MEGF11: variants seen among roughly 807,000 people sequenced by gnomAD.
MEGF11 encodes multiple EGF like domains 11.
In MEGF11, 126 loss-of-function variants were observed where a neutral mutation model predicts 146.6. That is an observed-to-expected ratio of 0.86 (90% CI 0.74 to 1.00). The LOEUF (loss-of-function observed/expected upper bound fraction) is 1.00, where lower values mean the gene tolerates loss of function less well. Ranked by LOEUF, MEGF11 falls within the 50% of genes least tolerant of loss-of-function variation. MEGF11 has a pLI of 0.00. For missense variants in MEGF11, 1,509 were observed against 1,521.2 expected (o/e 0.99, Z 0.13); for synonymous variants, 532 against 583.4 (o/e 0.91, Z 1.27).
chr15:66,013,777 G>A (rs982000735), intron 5 of MEGF11, among the ~76,000 whole-genome samples: 112 of 152,226 alleles, frequency 7.4e-4, no homozygotes, highest in Non-Finnish European at 1.8e-4. Context: ...AAAGAGAAGA[G>A]TGAGACTTTG....
chr15:65,911,917 G>T (rs538956917), intron 21 of MEGF11, among the ~76,000 whole-genome samples, 165 bp downstream of exon 21: 1 of 152,344 alleles, frequency 6.6e-6, no homozygotes, highest in Non-Finnish European at 1.5e-5. Context: ...ATGCCTCACA[G>T]AGTGTTTACG....
chr15:66,228,304 T>C (rs1161789367), intron 1 of MEGF11, among the ~76,000 whole-genome samples: 2 of 151,918 alleles, frequency 1.3e-5, no homozygotes, highest in African/African-American at 2.4e-5. Flanking sequence ...GCCCAGGGGC[T>C]TACGAAGCCT....
rs2141609143 is a variant in MEGF11, at chr15:65,970,536, G to A, written c.899+17C>T. On this transcript the variant is annotated intron_variant, in intron 8 of 25. Coordinates refer to ENST00000395614, the MANE Select transcript of MEGF11 (RefSeq NM_001385028.1). ...AGTAAAATGGACAGCAAAGATAACA[G>A]TTAACACTATCCTTACCTGTCCCCC... 6.2e-7 allele frequency: 1 copy of A among 1,612,292 alleles called. No homozygotes were observed. Among genetic ancestry groups the A allele is most frequent in the Non-Finnish European group, 8.5e-7 (1 of 1,178,706 alleles).
At chr15:65,924,378 G>GC (rs982191306) in intron 13 of MEGF11, among the ~76,000 whole-genome samples, 2 of 137,686 alleles carry the variant, frequency 1.5e-5, no homozygotes, top group Non-Finnish European at 3.2e-5. Context: ...GTGGGTGGGG[G>GC]GGGGGGCAAG....
At chr15:65,924,776 C>T (rs1270064641) in intron 13 of MEGF11, among the ~76,000 whole-genome samples, 1 of 152,042 alleles carries the variant, frequency 6.6e-6, no homozygotes, top group Non-Finnish European at 1.5e-5. Flanking sequence ...CAGGTATAAG[C>T]CACCACCACA....
chr15:66,104,346 G>A (rs1477794), intron 4 of MEGF11, among the ~76,000 whole-genome samples: 5,571 of 152,298 alleles, frequency 0.037, 331 homozygotes, highest in African/African-American at 0.12. Flanking sequence ...GTTTGGGGAT[G>A]CAGTCTAGGA....
chr15:65,957,820 G>T, intron 9 of MEGF11, 99 bp from the exon 10 acceptor site: 1 of 1,105,196 alleles, frequency 9.0e-7, no homozygotes, highest in Non-Finnish European at 1.3e-6. Flanking sequence ...TAGGGTAGCA[G>T]GATCAAAGGA....
chr15:66,031,781 A>G (rs1360505050), intron 5 of MEGF11, among the ~76,000 whole-genome samples: 1 of 152,202 alleles, frequency 6.6e-6, no homozygotes, highest in South Asian at 2.1e-4. Context: ...GTGTCTCCCA[A>G]AAGTTCGTGT....
At chr15:66,074,526 G>A (rs1342249132) in intron 5 of MEGF11, among the ~76,000 whole-genome samples, 4 of 152,248 alleles carry the variant, frequency 2.6e-5, no homozygotes, top group African/African-American at 7.2e-5. Context: ...TAACCCAGAG[G>A]AGAGTCATGA....
At chr15:65,998,720 C>T (rs922357838) in intron 5 of MEGF11, among the ~76,000 whole-genome samples, 2 of 152,030 alleles carry the variant, frequency 1.3e-5, no homozygotes, top group Non-Finnish European at 2.9e-5. Flanking sequence ...TGGGGAGGAC[C>T]AAAGCCATTC....
In MEGF11 at chr15:65,964,910, G is replaced by C. The variant is rs1200894492; in HGVS notation, c.1110C>G (p.Ile370Met). Reference protein sequence around the residue: ...LPCPCDADNTISCHPVTGACT... With the variant: ...LPCPCDADNTMSCHPVTGACT... Reference sequence around the variant, plus strand: ...GCTCGCCCATTCCCAGCTCATACCTGATGGTGTTGTCAGCGTCACAGGGGC... The same window carrying C: ...GCTCGCCCATTCCCAGCTCATACCTCATGGTGTTGTCAGCGTCACAGGGGC... The change falls in exon 9 of 26, where the codon ATC becomes ATG. Residue 370 changes from isoleucine to methionine, a missense_variant and splice_region_variant. Ile to Met is a conservative substitution (Grantham distance 10). Coordinates refer to ENST00000395614, the MANE Select transcript of MEGF11 (RefSeq NM_001385028.1). 6.4e-6 allele frequency: 10 copies of C among 1,559,196 alleles called. 1 individual carries two copies. The East Asian group carries it at 2.4e-4, about 37-fold the overall frequency.
chr15:65,912,213 C>T lies in MEGF11; in HGVS notation c.2711-13G>A. ...CTTTGAGACAAATCTGGGAAGAGAACAAGGTGCCACATACCATCATACCCC... is the reference window on the plus strand; with the variant it reads ...CTTTGAGACAAATCTGGGAAGAGAATAAGGTGCCACATACCATCATACCCC... On this transcript the variant is annotated splice_polypyrimidine_tract_variant and intron_variant, in intron 20 of 25. Transcript: ENST00000395614. The T allele has an allele frequency of 8.2e-7, 1 of 1,222,462 alleles. No homozygotes were observed. Among genetic ancestry groups the T allele is most frequent in the Non-Finnish European group, 1.0e-6 (1 of 979,190 alleles). 75.7% of individuals were successfully genotyped at this position (1,222,462 alleles called of 1,614,324 possible).
At chr15:65,909,524 C>G (rs1320164941) in intron 22 of MEGF11, among the ~76,000 whole-genome samples, 1 of 152,064 alleles carries the variant, frequency 6.6e-6, no homozygotes, top group Non-Finnish European at 1.5e-5. Context: ...CTGGTTTTCT[C>G]CCTTATGGTC....
At chr15:66,149,060 C>T (rs974933027) in intron 1 of MEGF11, among the ~76,000 whole-genome samples, 40 of 152,350 alleles carry the variant, frequency 2.6e-4, no homozygotes, top group African/African-American at 7.7e-4. Context: ...GGTCTGCGCC[C>T]GGCAGGAGCA....
At chr15:66,004,477 T>G (rs569341164) in intron 5 of MEGF11, among the ~76,000 whole-genome samples, 3 of 152,268 alleles carry the variant, frequency 2.0e-5, no homozygotes, top group South Asian at 4.2e-4. Flanking sequence ...TATTAATATT[T>G]GTTCAGTCTG....
Position 65,915,550 on chromosome 15 carries a change from C to T in MEGF11, c.2393G>A (p.Cys798Tyr), listed in dbSNP as rs1227546995. 6.2e-7 allele frequency: 1 copy of T among 1,613,966 alleles called. No homozygotes were observed. The highest frequency in any genetic ancestry group is 8.5e-7 in the Non-Finnish European group (1 of 1,179,874). Reference protein sequence around the residue: ...FGYGCQQLCECMNNSTCDHVT... With the variant: ...FGYGCQQLCEYMNNSTCDHVT... ...ATGGTCACAGGTGGAGTTGTTCATGCACTCACATAGCTGCTGACACCCATA... is the reference window on the plus strand; with the variant it reads ...ATGGTCACAGGTGGAGTTGTTCATGTACTCACATAGCTGCTGACACCCATA... The change falls in exon 19 of 26, where the codon TGC becomes TAC. Residue 798 changes from cysteine (C) to tyrosine (Y), a missense_variant. Coordinates refer to ENST00000395614, the MANE Select transcript of MEGF11 (RefSeq NM_001385028.1).
chr15:66,248,389 G>A (rs1481317552), intron 1 of MEGF11, among the ~76,000 whole-genome samples: 1 of 152,136 alleles, frequency 6.6e-6, no homozygotes, highest in Non-Finnish European at 1.5e-5. Flanking sequence ...CTCCAATCAA[G>A]GGCTTTTGTC....
At chr15:66,081,124 G>C (rs973188330) in intron 5 of MEGF11, among the ~76,000 whole-genome samples, 2 of 152,178 alleles carry the variant, frequency 1.3e-5, no homozygotes, top group Admixed American at 1.3e-4. Context: ...TGGAGGGGGC[G>C]AGGATGTGAT....
chr15:66,172,078 G>A (rs969637937), intron 1 of MEGF11, among the ~76,000 whole-genome samples: 5 of 152,156 alleles, frequency 3.3e-5, no homozygotes, highest in African/African-American at 7.2e-5. Flanking sequence ...TACTTCACAC[G>A]GCTGGCAGAG....
Sources: allele counts gnomAD v4.1 joint callset (sites outside exome capture counted in the v4.1 genomes callset), GRCh38; gene constraint gnomAD v4.1.1; transcripts MANE v1.5; gene names NCBI Gene and HGNC (gene_info 2026-07-23, HGNC 2026-07-21).